Variants in QKI observed in about 807,000 individuals in gnomAD.
QKI encodes KH domain-containing RNA-binding protein QKI.
Under a neutral mutation model 39.0 loss-of-function variants are expected in QKI, and 10 were observed. The observed-to-expected ratio is 0.26, with a 90% CI of 0.16 to 0.43. QKI has a LOEUF of 0.43. QKI is among the 20% of genes least tolerant of loss of function. The pLI is 1.00. For missense variants in QKI, 218 were observed against 428.0 expected, an observed-to-expected ratio of 0.51 and a Z score of 4.33; for synonymous variants, 204 against 155.4, an observed-to-expected ratio of 1.31 and a Z score of -2.33.
chr6:163,431,981 C>T (rs1159943971), intron 1 of QKI, among the ~76,000 whole-genome samples: 1 of 152,080 alleles, frequency 6.6e-6, no homozygotes, highest in Non-Finnish European at 1.5e-5. Context: ...TGGTTTCAGG[C>T]ATGTTAGATC....
chr6:163,523,102 A>G (rs770794600), intron 3 of QKI, among the ~76,000 whole-genome samples: 2 of 152,096 alleles, frequency 1.3e-5, no homozygotes, highest in Admixed American at 1.3e-4. Context: ...GGCAGACTGT[A>G]TGTGGATCCT....
At chr6:163,466,720 A>G (rs1430173512) in intron 2 of QKI, among the ~76,000 whole-genome samples, 3 of 152,208 alleles carry the variant, frequency 2.0e-5, no homozygotes, top group African/African-American at 7.2e-5. Context: ...ATAAAAATTT[A>G]GTCAAAATGG....
chr6:163,432,128 CTTAA>C (rs1398379894), intron 1 of QKI, among the ~76,000 whole-genome samples: 2 of 152,066 alleles, frequency 1.3e-5, no homozygotes, highest in African/African-American at 2.4e-5. Context: ...TGTGAATAGT[CTTAA>C]TTAATTTAAT....
chr6:163,468,027 T>C (rs1791906371), intron 2 of QKI, among the ~76,000 whole-genome samples: 1 of 152,172 alleles, frequency 6.6e-6, no homozygotes, highest in African/African-American at 2.4e-5. Context: ...TGTTAATATA[T>C]AGACACAACT....
chr6:163,552,079 A>G (rs1006151166), intron 4 of QKI, among the ~76,000 whole-genome samples: 1 of 152,160 alleles, frequency 6.6e-6, no homozygotes, highest in Non-Finnish European at 1.5e-5. Context: ...TATGTTATGT[A>G]TATTATATAC....
chr6:163,462,013 G>A (rs1028519306), intron 2 of QKI, among the ~76,000 whole-genome samples: 27 of 152,278 alleles, frequency 1.8e-4, no homozygotes, highest in African/African-American at 6.0e-4. Context: ...TTGAGATCAC[G>A]TGCCTTTACT....
intron 1 of QKI, among the ~76,000 whole-genome samples, chr6:163,444,990 C>G (rs1562440476): frequency 6.6e-6 from 1 of 152,072 alleles, no homozygotes. Flanking sequence ...ACCACTGCAG[C>G]CTCTACTTCC....
At chr6:163,570,466 A>C (rs1225570651) in intron 7 of QKI, 1 of 931,268 alleles carries the variant, frequency 1.1e-6, no homozygotes, top group African/African-American at 2.3e-5. Context: ...TTTTTGTGGG[A>C]GTGGGCTCTT....
rs1314976344 is a variant in QKI at position 163,577,315 on chromosome 6, C to A, written c.*6605C>A. On this transcript the variant is annotated 3_prime_UTR_variant, in exon 8 of 8. Coordinates refer to ENST00000361752, the MANE Select transcript of QKI (RefSeq NM_006775.3). ...TAGCACCGTCGTGCAGACTAGCAGCCCAAAGGTGTGTTTGGTTTGGCTTAT... is the reference window on the plus strand; with the variant it reads ...TAGCACCGTCGTGCAGACTAGCAGCACAAAGGTGTGTTTGGTTTGGCTTAT... 1 of 151,982 alleles carries A rather than the reference C, an allele frequency of 6.6e-6. No homozygotes were observed. Among genetic ancestry groups the A allele is most frequent in the Non-Finnish European group, 1.5e-5 (1 of 68,004 alleles). The allele number at this position is 151,982 out of a possible 1,614,324, so 9.4% of individuals were successfully genotyped here.
At chr6:163,456,176 C>T (rs1790895782) in intron 2 of QKI, among the ~76,000 whole-genome samples, 1 of 152,188 alleles carries the variant, frequency 6.6e-6, no homozygotes, top group African/African-American at 2.4e-5. Flanking sequence ...GCTCAAATGT[C>T]ACTTCAGAGA....
At chr6:163,446,926 G>A (rs1220918184) in intron 1 of QKI, among the ~76,000 whole-genome samples, 4 of 152,104 alleles carry the variant, frequency 2.6e-5, no homozygotes, top group Non-Finnish European at 4.4e-5. Context: ...ACAGAACTGT[G>A]TTCTGTTAAA....
intron 3 of QKI, among the ~76,000 whole-genome samples, chr6:163,484,538 A>C (rs1182038184): frequency 1.3e-5 from 2 of 152,192 alleles, no homozygotes; most frequent in Non-Finnish European, 2.9e-5. Context: ...GTATTTTTGG[A>C]ATGGTCAATC....
chr6:163,425,254 T>G (rs1788322010), intron 1 of QKI, among the ~76,000 whole-genome samples: 1 of 152,062 alleles, frequency 6.6e-6, no homozygotes, highest in Non-Finnish European at 1.5e-5. Flanking sequence ...AGCACCATGG[T>G]GATGGGCAAG....
chr6:163,565,524 A>C (rs73023388), intron 6 of QKI: 38 of 989,402 alleles, frequency 3.8e-5, no homozygotes, highest in South Asian at 4.6e-5. Context: ...CTCATTGTAA[A>C]GCTTCATGTC....
At chr6:163,503,639 C>A (rs1410770700) in intron 3 of QKI, among the ~76,000 whole-genome samples, 1 of 152,062 alleles carries the variant, frequency 6.6e-6, no homozygotes, top group Non-Finnish European at 1.5e-5. Context: ...TAAATTCTTT[C>A]CCAAGGCTGA....
chr6:163,498,341 C>A (rs1778539025), intron 3 of QKI, among the ~76,000 whole-genome samples: 1 of 152,082 alleles, frequency 6.6e-6, no homozygotes. Context: ...TTAGGCAGAG[C>A]AACTTTATAC....
intron 1 of QKI, among the ~76,000 whole-genome samples, chr6:163,418,675 C>T (rs544563851): frequency 1.3e-5 from 2 of 152,046 alleles, no homozygotes; most frequent in South Asian, 4.1e-4. Flanking sequence ...CACATAAAAC[C>T]TAGGTCTTAA....
At chr6:163,445,097 G>A (rs1189970554) in intron 1 of QKI, among the ~76,000 whole-genome samples, 3 of 152,040 alleles carry the variant, frequency 2.0e-5, no homozygotes, top group Admixed American at 1.3e-4. Context: ...GATTTGCCAT[G>A]TTGCCCAGGC....
At chr6:163,554,117 G>A (rs1168172136) in intron 4 of QKI, among the ~76,000 whole-genome samples, 2 of 152,158 alleles carry the variant, frequency 1.3e-5, no homozygotes, top group Non-Finnish European at 2.9e-5. Flanking sequence ...AAGAACCTCA[G>A]GAGCTCAGAG....
Sources: gnomAD v4.1 joint callset for allele counts (sites outside exome capture counted in the v4.1 genomes callset) on GRCh38, gnomAD v4.1.1 for gene constraint, MANE v1.5 for transcripts, NCBI Gene and HGNC (gene_info 2026-07-23, HGNC 2026-07-21) for gene names.